DPY19L4: variants seen among roughly 807,000 people sequenced by gnomAD.
The protein encoded by DPY19L4 is dpy-19 like 4, also known as probable C-mannosyltransferase DPY19L4.
DPY19L4 carries 97 observed loss-of-function variants against 102.8 expected under a neutral mutation model. The ratio of observed to expected loss-of-function variants is 0.94; its 90% CI spans 0.80 to 1.12. The LOEUF is 1.12. DPY19L4 is among the 50% of genes most tolerant of loss of function. DPY19L4 has a pLI of 0.00. For synonymous variants in DPY19L4, 252 were observed against 283.1 expected (o/e 0.89, Z 1.10); for missense variants, 815 against 850.4 (o/e 0.96, Z 0.52).
intron 10 of DPY19L4, 68 bp downstream of exon 10, chr8:94,765,877 A>G (rs1812652198): frequency 1.0e-6 from 1 of 954,926 alleles, no homozygotes; most frequent in Non-Finnish European, 1.6e-6. Flanking sequence ...ACTACATTTT[A>G]ATGAGAATAA....
intron 2 of DPY19L4, among the ~76,000 whole-genome samples, chr8:94,733,523 T>C (rs1811060110): frequency 6.6e-6 from 1 of 151,696 alleles, no homozygotes; most frequent in South Asian, 2.1e-4. Flanking sequence ...ATATAGACTT[T>C]AAATTTTATC....
chr8:94,734,131 C>T (rs568647818), intron 2 of DPY19L4, among the ~76,000 whole-genome samples: 11 of 149,248 alleles, frequency 7.4e-5, no homozygotes, highest in Non-Finnish European at 1.3e-4. Context: ...ATGATCTCGG[C>T]TTACTGCAAC....
intron 9 of DPY19L4, 144 bp from the exon 10 acceptor site, chr8:94,765,567 C>T: frequency 1.4e-6 from 1 of 724,836 alleles, no homozygotes; most frequent in South Asian, 1.8e-5. Context: ...AACTCCCGAC[C>T]TCAAGTGATC....
intron 1 of DPY19L4, among the ~76,000 whole-genome samples, chr8:94,724,482 TGAG>T (rs2130781290): frequency 6.6e-6 from 1 of 152,356 alleles, no homozygotes; most frequent in African/African-American, 2.4e-5. Context: ...AGAGGCATAA[TGAG>T]GAAGGAATAT....
At chr8:94,769,913 A>T (rs1412248663) in intron 12 of DPY19L4, among the ~76,000 whole-genome samples, 11 of 142,698 alleles carry the variant, frequency 7.7e-5, no homozygotes, top group Non-Finnish European at 1.5e-4. Context: ...TTTGAGACAG[A>T]GTCTTACTCT....
In DPY19L4 at chr8:94,738,366, TA is replaced by T; in HGVS notation, c.253-2del. 1 of 1,493,766 alleles carries T rather than the reference TA, an allele frequency of 6.7e-7. No individual in the cohort carries two copies. Among genetic ancestry groups the T allele is most frequent in the Admixed American group, 2.2e-5 (1 of 45,538 alleles). 92.5% of individuals were successfully genotyped at this position (1,493,766 alleles called of 1,614,324 possible). A position where few individuals can be genotyped will look rare whatever the true frequency, so the allele number is the denominator to read the frequency against. ...TTTAAATAATAATTTCATTTTCTTT[TA>T]GGAGCTTGAACGGGAAATCACGTTT... On this transcript the variant is annotated splice_acceptor_variant, in intron 3 of 18. Coordinates refer to ENST00000414645, the MANE Select transcript of DPY19L4 (RefSeq NM_181787.3). LOFTEE classifies it high-confidence loss of function.
intron 6 of DPY19L4, among the ~76,000 whole-genome samples, chr8:94,755,243 C>T (rs1444263676): frequency 6.6e-6 from 1 of 152,180 alleles, no homozygotes; most frequent in South Asian, 2.1e-4. Context: ...ATGCCACCTA[C>T]TAGCTGGATG....
chr8:94,767,571 C>T (rs1247926060), intron 11 of DPY19L4, among the ~76,000 whole-genome samples: 1 of 152,096 alleles, frequency 6.6e-6, no homozygotes, highest in African/African-American at 2.4e-5. Flanking sequence ...GGATTACAGG[C>T]GTGAGCCACC....
intron 10 of DPY19L4, 66 bp from the exon 11 acceptor site, chr8:94,766,546 G>T: frequency 6.9e-7 from 1 of 1,448,912 alleles, no homozygotes; most frequent in Non-Finnish European, 9.5e-7. Flanking sequence ...CTCTAGTATT[G>T]GGGAAAGCAT....
intron 6 of DPY19L4, 105 bp from the exon 7 acceptor site, chr8:94,755,931 G>A (rs938911521): frequency 8.2e-7 from 1 of 1,212,734 alleles, no homozygotes; most frequent in Admixed American, 2.5e-5. Flanking sequence ...TACCTCACAG[G>A]ATTGTTATGG....
At chr8:94,720,839 G>A (rs1209287267) in intron 1 of DPY19L4, among the ~76,000 whole-genome samples, 2 of 152,190 alleles carry the variant, frequency 1.3e-5, no homozygotes, top group Non-Finnish European at 1.5e-5. Context: ...GTTTCAGGAA[G>A]TGAGAAGCAA....
chr8:94,773,505 C>T lies in DPY19L4; in HGVS notation c.1454+2934C>T, dbSNP rs1290573067. 2.6e-5 allele frequency among the ~76,000 whole-genome samples: 4 copies of T among 151,100 alleles called. No individual in the cohort carries two copies. The East Asian group carries it at 8.1e-4, about 31-fold the overall frequency. On this transcript the variant is annotated intron_variant, in intron 13 of 18. Transcript: ENST00000414645. The stretch of plus-strand genomic sequence containing the variant: ...GGAGTGTAGTGGCGTGATCTTGGCT[C>T]ACTGCAACCTCTGCCTCCCAGTTCA...
At chr8:94,739,998 A>T (rs1811373991) in intron 6 of DPY19L4, among the ~76,000 whole-genome samples, 1 of 152,188 alleles carries the variant, frequency 6.6e-6, no homozygotes, top group African/African-American at 2.4e-5. Context: ...TAATCACGTG[A>T]GCCCTTAAAA....
At chr8:94,747,451 A>G (rs1762451547) in intron 6 of DPY19L4, among the ~76,000 whole-genome samples, 1 of 151,982 alleles carries the variant, frequency 6.6e-6, no homozygotes, top group Admixed American at 6.6e-5. Context: ...CGCATTGCCA[A>G]CTAGATGTTA....
At chr8:94,743,734 A>G (rs13262041) in intron 6 of DPY19L4, among the ~76,000 whole-genome samples, 20,283 of 152,242 alleles carry the variant, frequency 0.13, 1,513 homozygotes, top group Non-Finnish European at 0.17. Context: ...GGCTGCGTGC[A>G]GTGGCTCACG....
intron 11 of DPY19L4, among the ~76,000 whole-genome samples, chr8:94,767,987 A>G (rs372182614): frequency 6.6e-6 from 1 of 152,062 alleles, no homozygotes; most frequent in African/African-American, 2.4e-5. Flanking sequence ...GTATGTCTCA[A>G]TTTGAATTGG....
chr8:94,769,064 T>G (rs1333662477), intron 12 of DPY19L4, among the ~76,000 whole-genome samples: 6 of 145,886 alleles, frequency 4.1e-5, no homozygotes, highest in Non-Finnish European at 6.0e-5. Flanking sequence ...GTTTTTTTGT[T>G]TTTTTTTTTT....
At chr8:94,764,140 G>A (rs1586383238) in intron 8 of DPY19L4, among the ~76,000 whole-genome samples, 2 of 152,138 alleles carry the variant, frequency 1.3e-5, no homozygotes, top group East Asian at 3.8e-4. Flanking sequence ...TAAAAATTAT[G>A]ATTTTTGATT....
At chr8:94,759,354 C>G (rs1479966193) in intron 7 of DPY19L4, among the ~76,000 whole-genome samples, 2 of 152,106 alleles carry the variant, frequency 1.3e-5, no homozygotes, top group African/African-American at 2.4e-5. Flanking sequence ...GTGCATATTA[C>G]AGAGCACTGA....
Sources: allele counts gnomAD v4.1 joint callset (sites outside exome capture counted in the v4.1 genomes callset), GRCh38; gene constraint gnomAD v4.1.1; transcripts MANE v1.5; gene names NCBI Gene and HGNC (gene_info 2026-07-23, HGNC 2026-07-21).